The following CD109 variants were observed in gnomAD, a reference collection of about 807,000 sequenced individuals.
CD109 encodes the protein CD109 molecule.
In CD109, 149 loss-of-function variants were observed where a neutral mutation model predicts 165.8. The observed-to-expected ratio is 0.90, with a 90% CI of 0.79 to 1.03. The LOEUF (loss-of-function observed/expected upper bound fraction) is 1.03, where lower values mean the gene tolerates loss of function less well. Among genes scored for constraint, CD109 ranks in the 50% least tolerant of loss-of-function variants. CD109 has a pLI of 0.00. For synonymous variants in CD109, 585 were observed against 592.1 expected, an observed-to-expected ratio of 0.99 and a Z score of 0.18; for missense variants, 1,712 against 1,677.8, an observed-to-expected ratio of 1.02 and a Z score of -0.36.
At chr6:73,712,950 C>G (rs1176580296) in intron 2 of CD109, among the ~76,000 whole-genome samples, 1 of 152,138 alleles carries the variant, frequency 6.6e-6, no homozygotes, top group Non-Finnish European at 1.5e-5. Context: ...GTGACCATTT[C>G]CCGTGTCTGA....
chr6:73,712,838 T>G (rs1410174694), intron 2 of CD109, among the ~76,000 whole-genome samples: 1 of 151,866 alleles, frequency 6.6e-6, no homozygotes, highest in East Asian at 1.9e-4. Context: ...ATGATTGGAG[T>G]TTTATAAAGT....
rs1348308045 is a variant in CD109 at position 73,828,033 on chromosome 6, A to G, written c.*4400A>G. ...CTCAGTTCTGGTCCTTCAAGCCTGT[A>G]TGGTTTGGATTTTCAGTAGGGGACA... On this transcript the variant is annotated 3_prime_UTR_variant, in exon 33 of 33. Coordinates refer to ENST00000287097, the MANE Select transcript of CD109 (RefSeq NM_133493.5). 1.9e-5 allele frequency: 3 copies of G among 154,732 alleles called. No homozygotes were observed. Among genetic ancestry groups the G allele is most frequent in the Admixed American group, 6.5e-5 (1 of 15,276 alleles). The allele number at this position is 154,732 out of a possible 1,614,324, so 9.6% of individuals were successfully genotyped here. A position where few individuals can be genotyped will look rare whatever the true frequency, so the allele number is the denominator to read the frequency against.
In CD109 at chr6:73,800,103, G is replaced by A. The variant is rs368424205; in HGVS notation, c.2879-3117G>A. Among the ~76,000 whole-genome samples the A allele has an allele frequency of 7.9e-5, 12 of 152,000 alleles. 1 individual carries two copies. The East Asian group carries it at 1.4e-3, about 17-fold the overall frequency. On this transcript the variant is annotated intron_variant, in intron 23 of 32. Coordinates refer to ENST00000287097, the MANE Select transcript of CD109 (RefSeq NM_133493.5). The stretch of plus-strand genomic sequence containing the variant: ...ACTCCTAGGCTCAAGTGATCCACTC[G>A]CCTTGGCCTCCCAAAGTGCTGAACC...
intron 15 of CD109, among the ~76,000 whole-genome samples, chr6:73,772,138 G>A (rs1774057919): frequency 2.0e-5 from 3 of 152,050 alleles, no homozygotes; most frequent in African/African-American, 2.4e-5. Context: ...TCTGGGTTAC[G>A]TTGGATAAGA....
rs1208718157 is a variant in CD109 at position 73,825,800 on chromosome 6, A to G, written c.*2167A>G. On this transcript the variant is annotated 3_prime_UTR_variant, in exon 33 of 33. Coordinates refer to ENST00000287097, the MANE Select transcript of CD109 (RefSeq NM_133493.5). ...TGAGACCAGCCTGGCCAATATGGTG[A>G]AACCCCGTCCCTACTAAAAATACAA... 6.6e-6 allele frequency: 1 copy of G among 152,186 alleles called. No homozygotes were observed. The highest frequency in any genetic ancestry group is 1.5e-5 in the Non-Finnish European group (1 of 68,058). The allele number at this position is 152,186 out of a possible 1,614,324, so 9.4% of individuals were successfully genotyped here. A position where few individuals can be genotyped will look rare whatever the true frequency, so the allele number is the denominator to read the frequency against.
At chr6:73,735,123 G>A (rs759628817) in intron 4 of CD109, among the ~76,000 whole-genome samples, 10 of 152,148 alleles carry the variant, frequency 6.6e-5, no homozygotes, top group African/African-American at 9.7e-5. Context: ...AAACAAATCC[G>A]TATGTTTGGA....
intron 5 of CD109, among the ~76,000 whole-genome samples, chr6:73,752,764 A>C (rs1773242557): frequency 6.6e-6 from 1 of 152,210 alleles, no homozygotes; most frequent in Non-Finnish European, 1.5e-5. Context: ...CATGCTGCCC[A>C]AGTATTTAAG....
intron 5 of CD109, among the ~76,000 whole-genome samples, chr6:73,748,537 G>T (rs2150204385): frequency 6.6e-6 from 1 of 152,292 alleles, no homozygotes; most frequent in African/African-American, 2.4e-5. Context: ...CACTAGATCA[G>T]AAGGTCCATG....
intron 5 of CD109, among the ~76,000 whole-genome samples, chr6:73,754,572 T>C (rs1174550904): frequency 6.6e-6 from 1 of 152,238 alleles, no homozygotes; most frequent in African/African-American, 2.4e-5. Flanking sequence ...AAACTTAGTT[T>C]CAGGCTGTTG....
intron 2 of CD109, among the ~76,000 whole-genome samples, chr6:73,698,808 T>G (rs1770951832): frequency 6.6e-6 from 1 of 152,180 alleles, no homozygotes; most frequent in African/African-American, 2.4e-5. Flanking sequence ...GGTTAGCCCT[T>G]AAGATCTGAG....
chr6:73,791,200 T>TACAC (rs1774947362), intron 22 of CD109, among the ~76,000 whole-genome samples: 4 of 119,384 alleles, frequency 3.4e-5, no homozygotes, highest in Admixed American at 8.6e-5. Flanking sequence ...TACATATATA[T>TACAC]ATATATATAT....
At chr6:73,768,737 C>T (rs1313606520) in intron 14 of CD109, among the ~76,000 whole-genome samples, 1 of 152,134 alleles carries the variant, frequency 6.6e-6, no homozygotes, top group Non-Finnish European at 1.5e-5. Context: ...GTCTGGTCTC[C>T]AAGTGCACCA....
chr6:73,809,421 A>AT (rs1201486975), intron 26 of CD109, among the ~76,000 whole-genome samples: 3 of 151,954 alleles, frequency 2.0e-5, no homozygotes, highest in Non-Finnish European at 4.4e-5. Flanking sequence ...GAAATATATT[A>AT]TTTTTTCCTT....
chr6:73,822,934 T>C (rs1182373333), intron 32 of CD109, among the ~76,000 whole-genome samples: 2 of 152,248 alleles, frequency 1.3e-5, no homozygotes, highest in Non-Finnish European at 2.9e-5. Flanking sequence ...AAGTAGTTTT[T>C]GTCATGTTCG....
In CD109 at chr6:73,781,291, C is replaced by G. The variant is rs140808890; in HGVS notation, c.1935C>G (p.Asn645Lys). Residue 645 changes from asparagine (N) to lysine (K), a missense_variant, in exon 17 of 33, where the codon AAC becomes AAG. By Grantham distance (94) the Asn-to-Lys change is moderately conservative (BLOSUM62 0). Transcript: ENST00000287097. The part of the protein sequence containing the change: ...ECGLWVLTDA[N>K]LTKDYIDGVY... The stretch of plus-strand genomic sequence containing the variant: ...GACTCTGGGTATTGACAGATGCAAA[C>G]CTCACGAAGGATTATATTGATGGTG... 2.1e-5 allele frequency: 34 copies of G among 1,613,226 alleles called. No homozygotes were observed. In the African/African-American group the frequency reaches 3.9e-4, roughly 18 times the overall value.
In CD109 at chr6:73,808,148, C is replaced by G. The variant is rs759771735; in HGVS notation, c.3255C>G (p.Asp1085Glu). 1.2e-6 allele frequency: 2 copies of G among 1,613,364 alleles called. No individual in the cohort carries two copies. The highest frequency in any genetic ancestry group is 2.2e-5 in the South Asian group (2 of 91,050). The change falls in exon 26 of 33, where the codon GAC (aspartate) becomes GAG (glutamate). Residue 1085 changes from aspartate (D) to glutamate (E), a missense_variant. By Grantham distance (45) the Asp-to-Glu change is conservative. Coordinates refer to ENST00000287097, the MANE Select transcript of CD109 (RefSeq NM_133493.5). Reference protein sequence around the residue: ...LESEFSRGISDNYTLALITYA... With the variant: ...LESEFSRGISENYTLALITYA... Reference sequence around the variant, plus strand: ...CTGAATTCAGTAGAGGAATTTCAGACAATTATACTCTAGCCCTTATAACTT... The same window carrying G: ...CTGAATTCAGTAGAGGAATTTCAGAGAATTATACTCTAGCCCTTATAACTT...
intron 32 of CD109, among the ~76,000 whole-genome samples, chr6:73,823,245 A>G (rs1327193198): frequency 6.6e-6 from 1 of 152,218 alleles, no homozygotes; most frequent in African/African-American, 2.4e-5. Context: ...TGCTGGTGGT[A>G]GACAGATTGG....
chr6:73,696,877 G>A (rs142023712), intron 1 of CD109, among the ~76,000 whole-genome samples: 1 of 152,246 alleles, frequency 6.6e-6, no homozygotes, highest in African/African-American at 2.4e-5. Context: ...ACCAGTTGTA[G>A]TTTATTTTCA....
chr6:73,680,893 C>G, the CD109 span, among the ~76,000 whole-genome samples: 1 of 152,142 alleles, frequency 6.6e-6, no homozygotes, highest in Non-Finnish European at 1.5e-5. Context: ...GAGGTGTTGT[C>G]TCCATTCAGG....
Sources: allele counts gnomAD v4.1 joint callset (sites outside exome capture counted in the v4.1 genomes callset), GRCh38; gene constraint gnomAD v4.1.1; transcripts MANE v1.5; gene names NCBI Gene and HGNC (gene_info 2026-07-23, HGNC 2026-07-21).